Variants in BHMT observed in about 807,000 individuals in gnomAD.
BHMT encodes betaine--homocysteine S-methyltransferase, also known as betaine--homocysteine S-methyltransferase 1.
In BHMT, 38 loss-of-function variants were observed where a neutral mutation model predicts 49.5. That is an observed-to-expected ratio of 0.77 (90% CI 0.59 to 1.01). BHMT has a LOEUF of 1.01. BHMT is among the 50% of genes least tolerant of loss of function. The pLI, the probability that BHMT is intolerant of heterozygous loss-of-function variation, is 0.00. For synonymous variants in BHMT, 166 were observed against 176.3 expected (o/e 0.94, Z 0.46); for missense variants, 426 against 495.7 (o/e 0.86, Z 1.34).
chr5:79,127,398 CT>C (rs1319365138), intron 6 of BHMT, among the ~76,000 whole-genome samples: 1 of 152,134 alleles, frequency 6.6e-6, no homozygotes, highest in Non-Finnish European at 1.5e-5. Flanking sequence ...AGGGTGAGTG[CT>C]CCAAGAAAGT....
chr5:79,128,324 C>A (rs1211220340), intron 7 of BHMT: 6 of 180,276 alleles, frequency 3.3e-5, no homozygotes, highest in South Asian at 1.4e-4. Flanking sequence ...AGTTTGAGAC[C>A]AGCATGGGCA....
At chr5:79,122,957 T>C (rs1312847959) in intron 5 of BHMT, among the ~76,000 whole-genome samples, 2 of 152,272 alleles carry the variant, frequency 1.3e-5, no homozygotes, top group East Asian at 1.9e-4. Flanking sequence ...AGTGCAATCT[T>C]GGAACACTCC....
intron 2 of BHMT, 24 bp downstream of exon 2, chr5:79,115,923 G>C: frequency 6.3e-7 from 1 of 1,593,960 alleles, no homozygotes; most frequent in Non-Finnish European, 8.5e-7. Flanking sequence ...TCTATTGTAA[G>C]TTCTCATAAA....
In BHMT at chr5:79,121,167, T is replaced by A. The variant is rs578120011; in HGVS notation, c.478-51T>A. On this transcript the variant is annotated intron_variant, in intron 4 of 7. Coordinates refer to ENST00000274353, the MANE Select transcript of BHMT (RefSeq NM_001713.3). ...CTCCGTCTCAAAAAAAAAAAAAAAA[T>A]TGTTTTGGGAGAAACGAGATTAAAA... 327 of 1,512,360 alleles carry A rather than the reference T, an allele frequency of 2.2e-4. 1 individual carries two copies. In the South Asian group the frequency reaches 3.4e-3, roughly 16 times the overall value. The allele number at this position is 1,512,360 out of a possible 1,614,324, so 93.7% of individuals were successfully genotyped here.
chr5:79,116,873 A>G (rs1052403550), intron 2 of BHMT, among the ~76,000 whole-genome samples: 4 of 152,194 alleles, frequency 2.6e-5, no homozygotes, highest in African/African-American at 9.7e-5. Context: ...TAGAGTAGGA[A>G]CCTTGTGGTC....
chr5:79,114,935 A>C (rs1292805008), intron 1 of BHMT, among the ~76,000 whole-genome samples: 1 of 152,252 alleles, frequency 6.6e-6, no homozygotes, highest in Non-Finnish European at 1.5e-5. Context: ...TTATCCATAG[A>C]ACAACACCAG....
chr5:79,125,459 GA>G (rs538684708), intron 5 of BHMT, among the ~76,000 whole-genome samples: 71 of 104,532 alleles, frequency 6.8e-4, no homozygotes, highest in East Asian at 4.4e-3. Context: ...CTGTGTCTCA[GA>G]AAAAAAAAAA....
intron 2 of BHMT, 110 bp from the exon 3 acceptor site, chr5:79,119,149 A>G: frequency 1.1e-6 from 1 of 877,252 alleles, no homozygotes. Flanking sequence ...GCAAATGTCA[A>G]GCAACCAGAA....
chr5:79,120,253 T>C, intron 3 of BHMT, 97 bp from the exon 4 acceptor site: 1 of 1,185,870 alleles, frequency 8.4e-7, no homozygotes. Context: ...AATAAGATAC[T>C]ATTGTAAATA....
At chr5:79,116,073 C>A in intron 2 of BHMT, 174 bp downstream of exon 2, 1 of 733,098 alleles carries the variant, frequency 1.4e-6, no homozygotes, top group Non-Finnish European at 1.9e-6. Flanking sequence ...TAAAAATTAG[C>A]TGGACATGGT....
At chr5:79,122,277 C>A (rs1756484745) in intron 5 of BHMT, among the ~76,000 whole-genome samples, 1 of 152,104 alleles carries the variant, frequency 6.6e-6, no homozygotes, top group South Asian at 2.1e-4. Flanking sequence ...TTATCAATAT[C>A]TTTGATATGT....
chr5:79,120,592 T>C, intron 4 of BHMT, 51 bp downstream of exon 4: 1 of 1,529,730 alleles, frequency 6.5e-7, no homozygotes, highest in Non-Finnish European at 8.8e-7. Context: ...GTACATTTTC[T>C]CTACCTTTTG....
At chr5:79,120,326 G>GTC (rs776832617) in intron 3 of BHMT, 24 bp from the exon 4 acceptor site, 1 of 1,531,910 alleles carries the variant, frequency 6.5e-7, no homozygotes, top group East Asian at 2.3e-5. Context: ...AAATTTAGAT[G>GTC]TCTCATATAC....
chr5:79,114,683 T>C (rs1046663358), intron 1 of BHMT, among the ~76,000 whole-genome samples: 3 of 152,168 alleles, frequency 2.0e-5, no homozygotes, highest in Non-Finnish European at 4.4e-5. Context: ...AAATCAAATA[T>C]AGATGTTATT....
At chr5:79,116,658 A>G (rs1756389330) in intron 2 of BHMT, among the ~76,000 whole-genome samples, 1 of 152,196 alleles carries the variant, frequency 6.6e-6, no homozygotes, top group South Asian at 2.1e-4. Flanking sequence ...GTGGAATTTT[A>G]AAAACTTGCA....
intron 5 of BHMT, among the ~76,000 whole-genome samples, chr5:79,123,732 A>G (rs1756509322): frequency 6.6e-6 from 1 of 152,128 alleles, no homozygotes; most frequent in South Asian, 2.1e-4. Flanking sequence ...TTGTACTTTT[A>G]GTAGAGACGG....
intron 1 of BHMT, among the ~76,000 whole-genome samples, chr5:79,115,319 T>A (rs1580268117): frequency 6.7e-6 from 1 of 149,408 alleles, no homozygotes; most frequent in South Asian, 2.1e-4. Context: ...AAAAAAAAAA[T>A]AGCATTCTAT....
intron 7 of BHMT, among the ~76,000 whole-genome samples, chr5:79,128,806 A>C (rs1756594162): frequency 6.6e-6 from 1 of 152,152 alleles, no homozygotes; most frequent in Non-Finnish European, 1.5e-5. Flanking sequence ...CACTAGTAAA[A>C]AAAAATGTAT....
chr5:79,118,842 T>C (rs1388221106), intron 2 of BHMT, among the ~76,000 whole-genome samples: 3 of 152,204 alleles, frequency 2.0e-5, no homozygotes, highest in Non-Finnish European at 4.4e-5. Context: ...CCTTGCCCCA[T>C]GTCCTGGGTA....
Sources: gnomAD v4.1 joint callset for allele counts (sites outside exome capture counted in the v4.1 genomes callset) on GRCh38, gnomAD v4.1.1 for gene constraint, MANE v1.5 for transcripts, NCBI Gene and HGNC (gene_info 2026-07-23, HGNC 2026-07-21) for gene names.